LHFPL3: variants seen among roughly 807,000 people sequenced by gnomAD.
LHFPL3 encodes the protein LHFPL tetraspan subfamily member 3 protein.
A neutral mutation model predicts 19.3 loss-of-function variants in LHFPL3; 5 were observed. That is an observed-to-expected ratio of 0.26 (90% CI 0.14 to 0.54). LHFPL3 has a LOEUF of 0.54. Among genes scored for constraint, LHFPL3 ranks in the 20% least tolerant of loss-of-function variants. LHFPL3 has a pLI of 0.94. For synonymous variants in LHFPL3, 133 were observed against 126.2 expected (o/e 1.05, Z -0.36); for missense variants, 249 against 307.4 (o/e 0.81, Z 1.42).
At chr7:104,446,842 C>T (rs963664487) in intron 1 of LHFPL3, among the ~76,000 whole-genome samples, 5 of 152,094 alleles carry the variant, frequency 3.3e-5, no homozygotes, top group South Asian at 2.1e-4. Flanking sequence ...CCACAACACC[C>T]GGCCGATTCT....
chr7:104,693,106 G>A (rs1440948504), intron 1 of LHFPL3, among the ~76,000 whole-genome samples: 1 of 152,204 alleles, frequency 6.6e-6, no homozygotes, highest in East Asian at 1.9e-4. Flanking sequence ...AGATTTGGCT[G>A]TCCCACTGGA....
chr7:104,874,317 A>G (rs1003794327), intron 2 of LHFPL3, among the ~76,000 whole-genome samples: 1 of 151,728 alleles, frequency 6.6e-6, no homozygotes, highest in African/African-American at 2.4e-5. Context: ...TATTTGACTT[A>G]TATAAAAAGA....
chr7:104,899,430 T>G (rs1329640301), intron 2 of LHFPL3, among the ~76,000 whole-genome samples: 1 of 151,286 alleles, frequency 6.6e-6, no homozygotes, highest in Admixed American at 6.6e-5. Context: ...AAGATGATAT[T>G]TGGAGAAAGA....
At chr7:104,604,972 G>A (rs928081041) in intron 1 of LHFPL3, among the ~76,000 whole-genome samples, 1 of 152,080 alleles carries the variant, frequency 6.6e-6, no homozygotes, top group African/African-American at 2.4e-5. Context: ...TTTACTGGGG[G>A]AAAACAGTCA....
intron 1 of LHFPL3, among the ~76,000 whole-genome samples, chr7:104,552,652 T>G (rs891528808): frequency 2.6e-5 from 4 of 152,194 alleles, no homozygotes; most frequent in African/African-American, 9.7e-5. Context: ...ATTCAGTTCT[T>G]GGCCATTCCT....
intron 1 of LHFPL3, among the ~76,000 whole-genome samples, chr7:104,496,708 A>G (rs954097377): frequency 2.6e-5 from 4 of 152,184 alleles, no homozygotes; most frequent in African/African-American, 9.7e-5. Context: ...CTGGTTCCAA[A>G]GTCTGCATTT....
At chr7:104,390,754 T>G (rs1584287041) in intron 1 of LHFPL3, among the ~76,000 whole-genome samples, 1 of 152,298 alleles carries the variant, frequency 6.6e-6, no homozygotes, top group South Asian at 2.1e-4. Context: ...TTGAGGAATC[T>G]CCACACTGTC....
At chr7:104,420,313 G>A (rs1791702526) in intron 1 of LHFPL3, among the ~76,000 whole-genome samples, 1 of 152,226 alleles carries the variant, frequency 6.6e-6, no homozygotes, top group South Asian at 2.1e-4. Context: ...CCCCTTGTTA[G>A]TGAAATGGGA....
chr7:104,671,602 A>G (rs567174197), intron 1 of LHFPL3, among the ~76,000 whole-genome samples: 5 of 151,478 alleles, frequency 3.3e-5, no homozygotes, highest in Non-Finnish European at 7.4e-5. Context: ...AAATACAAGG[A>G]AAAAATACAG....
intron 1 of LHFPL3, among the ~76,000 whole-genome samples, chr7:104,556,966 G>T (rs1789850213): frequency 6.6e-6 from 1 of 152,180 alleles, no homozygotes; most frequent in Non-Finnish European, 1.5e-5. Context: ...CATAGCAAGA[G>T]CCACCTTTGC....
chr7:104,666,512 CTTTTTTTTTTTTTTTTT>C (rs71155514), intron 1 of LHFPL3, among the ~76,000 whole-genome samples: 1 of 42,212 alleles, frequency 2.4e-5, no homozygotes, highest in Non-Finnish European at 4.5e-5. Flanking sequence ...GGATTTCATT[CTTTTTTTTTTTTTTTTT>C]TTTTTTTTTT....
intron 2 of LHFPL3, among the ~76,000 whole-genome samples, chr7:104,814,345 C>T (rs1051800263): frequency 3.3e-5 from 5 of 152,164 alleles, no homozygotes; most frequent in African/African-American, 7.2e-5. Flanking sequence ...ATCTCTCCAT[C>T]GTCTCTGCAG....
chr7:104,731,221 G>A (rs890393458), intron 1 of LHFPL3, among the ~76,000 whole-genome samples: 7 of 151,624 alleles, frequency 4.6e-5, no homozygotes, highest in African/African-American at 1.2e-4. Context: ...TTGACTTGGC[G>A]ATGTGGGCTC....
intron 2 of LHFPL3, among the ~76,000 whole-genome samples, chr7:104,888,715 T>C (rs1026844735): frequency 1.3e-5 from 2 of 152,220 alleles, no homozygotes; most frequent in Middle Eastern, 3.2e-3. Flanking sequence ...ACCTCTACAA[T>C]GGAGTCACTG....
intron 1 of LHFPL3, among the ~76,000 whole-genome samples, chr7:104,617,366 A>G (rs1431267617): frequency 2.6e-5 from 4 of 152,158 alleles, no homozygotes; most frequent in Non-Finnish European, 4.4e-5. Flanking sequence ...AAAGTCTTTC[A>G]TATCTGCCAG....
chr7:104,567,055 G>A (rs183566392), intron 1 of LHFPL3, among the ~76,000 whole-genome samples: 1 of 152,262 alleles, frequency 6.6e-6, no homozygotes, highest in Non-Finnish European at 1.5e-5. Flanking sequence ...TTCCAGGACA[G>A]CTATATATTT....
chr7:104,662,009 C>CTGG lies in LHFPL3; in HGVS notation c.446-74666_446-74665insTGG, dbSNP rs1349419258. On this transcript the variant is annotated intron_variant, in intron 1 of 2. Transcript: ENST00000424859. ...GGCTTAGAGCAGGTAGCATCTACGG[C>CTGG]ATGGATCAGCTGGACAAAGGGATGA... 5.2e-3 allele frequency among the ~76,000 whole-genome samples: 785 copies of CTGG among 152,318 alleles called. 44 individuals carry two copies. In the East Asian group the frequency reaches 0.11, roughly 22 times the overall value.
intron 2 of LHFPL3, among the ~76,000 whole-genome samples, chr7:104,904,657 A>G (rs996911069): frequency 1.3e-5 from 2 of 152,208 alleles, no homozygotes; most frequent in Non-Finnish European, 2.9e-5. Context: ...TCTCAAAAGT[A>G]AATAAAAATA....
intron 2 of LHFPL3, among the ~76,000 whole-genome samples, chr7:104,901,393 G>A (rs974954466): frequency 2.6e-5 from 4 of 152,136 alleles, no homozygotes; most frequent in Non-Finnish European, 5.9e-5. Context: ...TTTCTGTTGC[G>A]TGGTGGTGTC....
Sources: gnomAD v4.1 joint callset for allele counts (sites outside exome capture counted in the v4.1 genomes callset) on GRCh38, gnomAD v4.1.1 for gene constraint, MANE v1.5 for transcripts, NCBI Gene and HGNC (gene_info 2026-07-23, HGNC 2026-07-21) for gene names.